GALNT13: variants seen among roughly 807,000 people sequenced by gnomAD.
GALNT13 encodes the protein polypeptide N-acetylgalactosaminyltransferase 13, also known as UDP-GalNAc:polypeptide N-acetylgalactosaminyltransferase 13.
A neutral mutation model predicts 64.2 loss-of-function variants in GALNT13; 28 were observed. The ratio of observed to expected loss-of-function variants is 0.44; its 90% CI spans 0.32 to 0.60. The LOEUF is 0.60. GALNT13 is among the 20% of genes least tolerant of loss of function. The pLI is 0.05. For missense variants in GALNT13, 577 were observed against 669.8 expected (o/e 0.86, Z 1.53); for synonymous variants, 214 against 224.6 (o/e 0.95, Z 0.42).
the GALNT13 span, among the ~76,000 whole-genome samples, chr2:153,552,652 G>C: frequency 6.7e-6 from 1 of 149,992 alleles, no homozygotes; most frequent in African/African-American, 2.5e-5. Flanking sequence ...AAATGGGAAG[G>C]ATGTGTTGGC....
At chr2:153,803,995 C>T in the GALNT13 span, among the ~76,000 whole-genome samples, 1 of 152,146 alleles carries the variant, frequency 6.6e-6, no homozygotes, top group Non-Finnish European at 1.5e-5. Flanking sequence ...GAACATTTAA[C>T]CTGCTGCTGG....
At chr2:153,235,135 A>T in the GALNT13 span, among the ~76,000 whole-genome samples, 9 of 152,220 alleles carry the variant, frequency 5.9e-5, no homozygotes, top group African/African-American at 1.9e-4. Context: ...CACCAACAAC[A>T]GGTAGTTGCC....
intron 3 of GALNT13, among the ~76,000 whole-genome samples, chr2:154,028,390 T>G (rs2105299380): frequency 6.6e-6 from 1 of 152,238 alleles, no homozygotes; most frequent in Admixed American, 6.5e-5. Context: ...ATTGTTTTCT[T>G]TTGTTATTGG....
At chr2:153,555,314 C>G in the GALNT13 span, among the ~76,000 whole-genome samples, 1 of 134,118 alleles carries the variant, frequency 7.5e-6, no homozygotes, top group African/African-American at 2.9e-5. Context: ...CCTGCCTCAG[C>G]CTCCCGAGTA....
chr2:153,830,267 A>T, the GALNT13 span, among the ~76,000 whole-genome samples: 65,445 of 151,970 alleles, frequency 0.43, 15,114 homozygotes, highest in Admixed American at 0.59. Context: ...TTATTGTTAG[A>T]TATGTAATAA....
In GALNT13 at chr2:154,437,461, G is replaced by A; in HGVS notation, c.1396-1131G>A. ...ACCCTGACATGACCTTTCTCATTATGTATTCTGTTGACATTGCAAGGAGAA... is the reference window on the plus strand; with the variant it reads ...ACCCTGACATGACCTTTCTCATTATATATTCTGTTGACATTGCAAGGAGAA... On this transcript the variant is annotated intron_variant, in intron 11 of 12. Coordinates refer to ENST00000392825, the MANE Select transcript of GALNT13 (RefSeq NM_052917.4). 4 of 999,822 alleles carry A rather than the reference G, an allele frequency of 4.0e-6. No homozygotes were observed. In the South Asian group the frequency reaches 6.5e-5, roughly 16 times the overall value. The allele number at this position is 999,822 out of a possible 1,614,324, so 61.9% of individuals were successfully genotyped here.
At chr2:154,087,346 C>T (rs1275716725) in intron 3 of GALNT13, among the ~76,000 whole-genome samples, 2 of 151,968 alleles carry the variant, frequency 1.3e-5, no homozygotes, top group African/African-American at 4.8e-5. Flanking sequence ...ATATGTTGCA[C>T]ATTAACCGAA....
In GALNT13 at chr2:154,133,418, A is replaced by G. The variant is rs1324666919; in HGVS notation, c.143-6919A>G. Among the ~76,000 whole-genome samples, 4 of 151,372 alleles carry G rather than the reference A, an allele frequency of 2.6e-5. No individual in the cohort carries two copies. The Admixed American group carries it at 2.6e-4, about 10-fold the overall frequency. ...CCACACATTTTCATTGTGAGTTGCT[A>G]TGATTAAAGATTTTTGAGCTTGTAT... On this transcript the variant is annotated intron_variant, in intron 3 of 12. Coordinates refer to ENST00000392825, the MANE Select transcript of GALNT13 (RefSeq NM_052917.4).
chr2:153,780,240 T>TATATATATATATGC, the GALNT13 span, among the ~76,000 whole-genome samples: 2 of 19,458 alleles, frequency 1.0e-4, 1 homozygote, highest in African/African-American at 2.0e-4. Context: ...TATATATATA[T>TATATATATATATGC]ATATATATAT....
At chr2:154,293,792 G>A (rs934234463) in intron 8 of GALNT13, among the ~76,000 whole-genome samples, 3 of 152,050 alleles carry the variant, frequency 2.0e-5, no homozygotes, top group Non-Finnish European at 2.9e-5. Flanking sequence ...GGAAATTATC[G>A]AGGTAGTCAT....
intron 9 of GALNT13, among the ~76,000 whole-genome samples, chr2:154,384,028 A>G (rs1698397661): frequency 6.6e-6 from 1 of 151,902 alleles, no homozygotes; most frequent in Admixed American, 6.6e-5. Context: ...TTAGGAACTG[A>G]ATGTAAATAC....
intron 9 of GALNT13, among the ~76,000 whole-genome samples, chr2:154,347,101 G>A (rs1263120588): frequency 6.6e-6 from 1 of 151,886 alleles, no homozygotes; most frequent in Non-Finnish European, 1.5e-5. Context: ...CATTTCATTG[G>A]GCCTCACCAC....
At chr2:154,046,034 G>A (rs1323196651) in intron 3 of GALNT13, among the ~76,000 whole-genome samples, 1 of 151,952 alleles carries the variant, frequency 6.6e-6, no homozygotes, top group Non-Finnish European at 1.5e-5. Flanking sequence ...TGAGCTGGAT[G>A]TCGTGGCTCA....
chr2:154,075,960 C>A (rs535795848), intron 3 of GALNT13, among the ~76,000 whole-genome samples: 2 of 151,538 alleles, frequency 1.3e-5, no homozygotes, highest in South Asian at 2.1e-4. Flanking sequence ...TTTCTGAAAA[C>A]AACCCTTTGA....
the GALNT13 span, among the ~76,000 whole-genome samples, chr2:153,715,891 T>G: frequency 2.6e-5 from 4 of 151,968 alleles, no homozygotes; most frequent in African/African-American, 9.6e-5. Context: ...CAGCCACAAT[T>G]GCAAACTGAT....
At chr2:153,606,521 T>C in the GALNT13 span, among the ~76,000 whole-genome samples, 259 of 152,240 alleles carry the variant, frequency 1.7e-3, 1 homozygote, top group Non-Finnish European at 2.7e-3. Flanking sequence ...CAGCTATTGT[T>C]AGTGTATTTT....
upstream of GALNT13, among the ~76,000 whole-genome samples, chr2:153,871,549 C>T (rs62174124): frequency 0.089 from 13,615 of 152,256 alleles, 725 homozygotes; most frequent in African/African-American, 0.12. Context: ...ATTGGGCGAA[C>T]GCGGTGCACG....
chr2:153,859,581 A>C, the GALNT13 span, among the ~76,000 whole-genome samples: 1 of 152,182 alleles, frequency 6.6e-6, no homozygotes, highest in African/African-American at 2.4e-5. Flanking sequence ...AGAGGAAACA[A>C]ATAAGACAAA....
At chr2:154,304,494 G>A (rs927904593) in intron 9 of GALNT13, among the ~76,000 whole-genome samples, 8 of 152,170 alleles carry the variant, frequency 5.3e-5, no homozygotes, top group African/African-American at 1.9e-4. Context: ...AGGAATATGA[G>A]TAATTGAGAA....
Sources: gnomAD v4.1 joint callset for allele counts (sites outside exome capture counted in the v4.1 genomes callset) on GRCh38, gnomAD v4.1.1 for gene constraint, MANE v1.5 for transcripts, NCBI Gene and HGNC (gene_info 2026-07-23, HGNC 2026-07-21) for gene names.